ROBO1: variants seen among roughly 807,000 people sequenced by gnomAD.
The protein encoded by ROBO1 is roundabout homolog 1.
ROBO1 carries 149 observed loss-of-function variants against 195.9 expected under a neutral mutation model. That is an observed-to-expected ratio of 0.76 (90% CI 0.67 to 0.87). ROBO1 has a LOEUF of 0.87. Ranked by LOEUF, ROBO1 falls within the 40% of genes least tolerant of loss-of-function variation. The pLI is 0.00. For synonymous variants in ROBO1, 816 were observed against 733.2 expected, an observed-to-expected ratio of 1.11 and a Z score of -1.82; for missense variants, 1,933 against 2,068.3, an observed-to-expected ratio of 0.93 and a Z score of 1.27.
chr3:78,914,176 G>A (rs2038417759), intron 4 of ROBO1, among the ~76,000 whole-genome samples: 1 of 152,080 alleles, frequency 6.6e-6, no homozygotes, highest in South Asian at 2.1e-4. Flanking sequence ...ATATGCCAGA[G>A]ACATATGTTG....
chr3:78,840,618 T>C (rs1373769466), intron 4 of ROBO1, among the ~76,000 whole-genome samples: 2 of 152,182 alleles, frequency 1.3e-5, no homozygotes, highest in South Asian at 2.1e-4. Context: ...CTCACTCTAC[T>C]ATCAAACCTC....
intron 3 of ROBO1, among the ~76,000 whole-genome samples, chr3:78,948,767 A>G (rs2040600555): frequency 6.6e-6 from 1 of 152,210 alleles, no homozygotes; most frequent in Non-Finnish European, 1.5e-5. Context: ...AGAAAACCCC[A>G]TCGTCTCAGC....
chr3:78,905,516 G>A (rs886611735), intron 4 of ROBO1, among the ~76,000 whole-genome samples: 13 of 152,056 alleles, frequency 8.5e-5, no homozygotes, highest in Non-Finnish European at 1.5e-5. Context: ...CTACTCAGGA[G>A]GCTAAGGTGG....
At chr3:78,989,197 G>T (rs998931643) in intron 3 of ROBO1, among the ~76,000 whole-genome samples, 1 of 151,996 alleles carries the variant, frequency 6.6e-6, no homozygotes, top group Admixed American at 6.6e-5. Context: ...CTAACACAAA[G>T]AAATAATAAA....
intron 2 of ROBO1, among the ~76,000 whole-genome samples, chr3:79,545,211 G>A (rs1029868002): frequency 1.3e-5 from 2 of 152,050 alleles, no homozygotes; most frequent in African/African-American, 2.4e-5. Flanking sequence ...CTGCTACATC[G>A]ATGAAGGCAA....
chr3:78,737,336 G>GT (rs1203717000), intron 5 of ROBO1, among the ~76,000 whole-genome samples: 1 of 152,118 alleles, frequency 6.6e-6, no homozygotes, highest in Non-Finnish European at 1.5e-5. Context: ...GGCATGAGTA[G>GT]TTTTGGATTT....
At chr3:79,479,582 C>G (rs1416025340) in intron 2 of ROBO1, among the ~76,000 whole-genome samples, 2 of 152,084 alleles carry the variant, frequency 1.3e-5, no homozygotes, top group African/African-American at 4.8e-5. Context: ...ATCTGGAAGT[C>G]ACTCTGGTAG....
intron 3 of ROBO1, among the ~76,000 whole-genome samples, chr3:78,985,336 T>G (rs2077083278): frequency 6.6e-6 from 1 of 152,152 alleles, no homozygotes; most frequent in Non-Finnish European, 1.5e-5. Context: ...TCAAAGCTAT[T>G]TTATGTAAGA....
rs1322007787 is a variant in ROBO1 at position 78,962,582 on chromosome 3, T to C, written c.173-23655A>G. On this transcript the variant is annotated intron_variant, in intron 3 of 30. Coordinates refer to ENST00000464233, the MANE Select transcript of ROBO1 (RefSeq NM_002941.4). ...GGCTCACGCCTGTAATCCCAGCACT[T>C]TGGGAGGCCGAGGAGGGCGGATCAC... Among the ~76,000 whole-genome samples the C allele has an allele frequency of 7.2e-5, 11 of 151,872 alleles. No individual in the cohort carries two copies. In the South Asian group the frequency reaches 2.1e-3, roughly 29 times the overall value.
At chr3:78,677,692 C>T (rs983210920) in intron 10 of ROBO1, among the ~76,000 whole-genome samples, 2 of 152,048 alleles carry the variant, frequency 1.3e-5, no homozygotes, top group African/African-American at 2.4e-5. Context: ...GAGTGACCTA[C>T]AAAGAGACTT....
At position 78,918,063 on chromosome 3, in the gene ROBO1, C is replaced by T. The variant is rs143569068; in HGVS notation, c.499+20538G>A. 1.3e-3 allele frequency among the ~76,000 whole-genome samples: 198 copies of T among 152,200 alleles called. 1 individual carries two copies. The highest frequency in any genetic ancestry group is 4.4e-3 in the African/African-American group (184 of 41,528). ...AAGGCTTTCAGTACATATTAACTGA[C>T]GCTGAATAACAATTGACAATAAGTT... On this transcript the variant is annotated intron_variant, in intron 4 of 30. Transcript: ENST00000464233.
chr3:79,719,511 C>T (rs1045764237), intron 1 of ROBO1, among the ~76,000 whole-genome samples: 2 of 152,076 alleles, frequency 1.3e-5, no homozygotes, highest in Non-Finnish European at 2.9e-5. Context: ...GTAAATAGAA[C>T]GTCTTCTTAT....
intron 2 of ROBO1, among the ~76,000 whole-genome samples, chr3:79,502,830 C>A (rs1000055854): frequency 6.6e-6 from 1 of 152,072 alleles, no homozygotes; most frequent in Non-Finnish European, 1.5e-5. Flanking sequence ...CACCAGTCAG[C>A]AGTCTGTATC....
chr3:79,623,338 G>T (rs1945069570), intron 1 of ROBO1, among the ~76,000 whole-genome samples: 1 of 152,174 alleles, frequency 6.6e-6, no homozygotes, highest in Admixed American at 6.5e-5. Context: ...GAACTGGATG[G>T]AGGATCAGAT....
intron 3 of ROBO1, among the ~76,000 whole-genome samples, chr3:79,037,978 A>T (rs781199448): frequency 1.5e-4 from 23 of 152,172 alleles, no homozygotes; most frequent in Non-Finnish European, 1.6e-4. Context: ...TTGTCCTTTC[A>T]TTATGATCCA....
chr3:79,141,871 CTATT>C (rs2080534699), intron 2 of ROBO1, among the ~76,000 whole-genome samples: 1 of 152,128 alleles, frequency 6.6e-6, no homozygotes, highest in Admixed American at 6.6e-5. Flanking sequence ...TACATATACA[CTATT>C]TATTATAATT....
chr3:79,253,439 ACCAAAC>A (rs1162713352), intron 2 of ROBO1, among the ~76,000 whole-genome samples: 21 of 152,210 alleles, frequency 1.4e-4, no homozygotes, highest in African/African-American at 5.1e-4. Context: ...CCAATTCATC[ACCAAAC>A]ACTTCAAAAA....
intron 1 of ROBO1, among the ~76,000 whole-genome samples, chr3:79,690,451 A>G (rs1221467412): frequency 2.0e-5 from 3 of 151,926 alleles, no homozygotes; most frequent in African/African-American, 4.8e-5. Context: ...AAAGGCAAAA[A>G]CAAAACAAAA....
At chr3:79,213,100 C>T (rs907781712) in intron 2 of ROBO1, among the ~76,000 whole-genome samples, 3 of 151,670 alleles carry the variant, frequency 2.0e-5, no homozygotes, top group East Asian at 1.9e-4. Context: ...AAAAATTAGC[C>T]GGGCATGGTG....
Sources: allele counts gnomAD v4.1 joint callset (sites outside exome capture counted in the v4.1 genomes callset), GRCh38; gene constraint gnomAD v4.1.1; transcripts MANE v1.5; gene names NCBI Gene and HGNC (gene_info 2026-07-23, HGNC 2026-07-21).